MRC1: variants seen among roughly 807,000 people sequenced by gnomAD.
The protein encoded by MRC1 is macrophage mannose receptor 1.
In MRC1, 62 loss-of-function variants were observed where a neutral mutation model predicts 102.9. That is an observed-to-expected ratio of 0.60 (90% CI 0.49 to 0.74). The LOEUF is 0.74. MRC1 is among the 30% of genes least tolerant of loss of function. The probability of loss-of-function intolerance (pLI) is 0.00; values close to 1 mark genes in which losing one functional copy is unlikely to be tolerated. For missense variants in MRC1, 1,237 were observed against 862.8 expected (o/e 1.43, Z -5.43); for synonymous variants, 457 against 298.4 (o/e 1.53, Z -5.48).
chr10:17,898,373 T>C (rs1231448784), intron 24 of MRC1, 107 bp downstream of exon 24: 2 of 769,612 alleles, frequency 2.6e-6, no homozygotes, highest in African/African-American at 3.4e-5. Flanking sequence ...TAAGAGACTG[T>C]GCTAGGCAAT....
intron 3 of MRC1, among the ~76,000 whole-genome samples, chr10:17,833,271 AGCACTTTG>A (rs1183256606): frequency 6.6e-6 from 1 of 152,150 alleles, no homozygotes; most frequent in Non-Finnish European, 1.5e-5. Context: ...TTGTAATCCC[AGCACTTTG>A]GGAAGCTGAG....
At chr10:17,872,165 G>A in intron 15 of MRC1, 39 bp downstream of exon 15, 1 of 780,098 alleles carries the variant, frequency 1.3e-6, no homozygotes, top group South Asian at 1.3e-5. Flanking sequence ...CAGCTTGGTA[G>A]ACTAACCTCC....
At chr10:17,890,314 A>T (rs1833654830) in intron 22 of MRC1, among the ~76,000 whole-genome samples, 1 of 151,850 alleles carries the variant, frequency 6.6e-6, no homozygotes, top group African/African-American at 2.4e-5. Flanking sequence ...CTTAGTATTT[A>T]TCCTGTCTGA....
intron 17 of MRC1, among the ~76,000 whole-genome samples, chr10:17,876,383 G>A (rs2130684435): frequency 6.6e-6 from 1 of 152,112 alleles, no homozygotes; most frequent in East Asian, 1.9e-4. Context: ...GAGTAGCTGG[G>A]ACTACAGGCG....
intron 4 of MRC1, among the ~76,000 whole-genome samples, chr10:17,839,709 T>G (rs1484138142): frequency 3.3e-5 from 5 of 152,114 alleles, no homozygotes; most frequent in African/African-American, 1.2e-4. Context: ...TTTAATTAAT[T>G]GCTTTTGATC....
In MRC1 at chr10:17,864,551, G is replaced by A. The variant is rs1003868219; in HGVS notation, c.1783+869G>A. 1.1e-4 allele frequency among the ~76,000 whole-genome samples: 17 copies of A among 152,000 alleles called. No homozygotes were observed. In the East Asian group the frequency reaches 2.3e-3, roughly 21 times the overall value. On this transcript the variant is annotated intron_variant, in intron 11 of 29. Transcript: ENST00000569591. The stretch of plus-strand genomic sequence containing the variant: ...TCTTCATTTAAAAGAAGTGGAGGTC[G>A]GCCGCGGTGGCTCATGCCTGTAATC...
At chr10:17,820,658 T>C (rs1434431951) in intron 1 of MRC1, among the ~76,000 whole-genome samples, 1 of 152,144 alleles carries the variant, frequency 6.6e-6, no homozygotes, top group Admixed American at 6.6e-5. Flanking sequence ...AGCAAAGCTA[T>C]CTGAAAAGTG....
intron 1 of MRC1, among the ~76,000 whole-genome samples, chr10:17,819,954 C>G (rs1008598796): frequency 2.0e-5 from 3 of 152,118 alleles, no homozygotes; most frequent in East Asian, 1.9e-4. Flanking sequence ...CAAAAACAAA[C>G]GAACAAACAA....
At chr10:17,869,327 A>G (rs1418984237) in intron 12 of MRC1, among the ~76,000 whole-genome samples, 1 of 152,162 alleles carries the variant, frequency 6.6e-6, no homozygotes, top group Non-Finnish European at 1.5e-5. Context: ...TGATGTGGAT[A>G]TTTACTTAAA....
intron 5 of MRC1, among the ~76,000 whole-genome samples, chr10:17,843,908 A>G (rs548066744): frequency 1.8e-4 from 28 of 152,334 alleles, no homozygotes; most frequent in Non-Finnish European, 3.7e-4. Flanking sequence ...CACAAAGCAT[A>G]GGTATTAACA....
intron 10 of MRC1, among the ~76,000 whole-genome samples, 180 bp downstream of exon 10, chr10:17,861,682 C>T (rs1420055406): frequency 2.0e-5 from 3 of 151,892 alleles, no homozygotes; most frequent in Non-Finnish European, 2.9e-5. Context: ...CATTACAAAC[C>T]GTTTTTGCTA....
Position 17,861,492 on chromosome 10 carries a change from A to G in MRC1, c.1624A>G (p.Ile542Val). Residue 542 changes from isoleucine to valine, a missense_variant, in exon 10 of 30, where the codon ATT becomes GTT. Transcript: ENST00000569591. The stretch of plus-strand genomic sequence containing the variant: ...TAATGAGAATGCTTATTTAACAACT[A>G]TTGAAGACAGGTATGTAACTATTTT... ...CNNENAYLTTIEDRYEQAFLT... is the reference protein window; with the variant it reads ...CNNENAYLTTVEDRYEQAFLT... The G allele has an allele frequency of 1.1e-6, 1 of 870,162 alleles. No individual in the cohort carries two copies. Among genetic ancestry groups the G allele is most frequent in the Non-Finnish European group, 2.0e-6 (1 of 499,710 alleles). The allele number at this position is 870,162 out of a possible 1,614,324, so 53.9% of individuals were successfully genotyped here. A position where few individuals can be genotyped will look rare whatever the true frequency, so the allele number is the denominator to read the frequency against.
At chr10:17,811,525 T>C (rs1192141262) in intron 1 of MRC1, among the ~76,000 whole-genome samples, 1 of 150,220 alleles carries the variant, frequency 6.7e-6, no homozygotes, top group Non-Finnish European at 1.5e-5. Context: ...GGGACCCCCC[T>C]TCCAGATTTT....
chr10:17,827,670 A>G lies in MRC1; in HGVS notation c.592A>G (p.Thr198Ala). 6.4e-6 allele frequency: 5 copies of G among 780,850 alleles called. No individual in the cohort carries two copies. The highest frequency in any genetic ancestry group is 1.2e-5 in the Non-Finnish European group (5 of 417,964). 48.4% of individuals were successfully genotyped at this position (780,850 alleles called of 1,614,324 possible). ...TGGATGGCTCTGGTGCGGAACCACT[A>G]CTGACTATGACACAGACAAGCTATT... ...SDGWLWCGTT[T>A]DYDTDKLFGY... is the part of the protein sequence containing the mutation. The change falls in exon 3 of 30, where the codon ACT (threonine) becomes GCT (alanine). Residue 198 changes from threonine to alanine, a missense_variant. Physicochemically the swap from Thr to Ala is moderately conservative, Grantham distance 58 (BLOSUM62 0). Transcript: ENST00000569591.
chr10:17,883,468 G>C (rs1209317345), intron 21 of MRC1, among the ~76,000 whole-genome samples: 2 of 151,132 alleles, frequency 1.3e-5, no homozygotes, highest in Admixed American at 6.6e-5. Context: ...AACGGTGGAA[G>C]AGTTTTTTTT....
At position 17,850,142 on chromosome 10, in the gene MRC1, A is replaced by G. The variant is rs904878671; in HGVS notation, c.1249+378A>G. ...GTGTGTATCTTCTTTTTTTAGGTCC[A>G]TATTTTATCTCCTAAAAAAGATTTC... On this transcript the variant is annotated intron_variant, in intron 7 of 29. Transcript: ENST00000569591. Among the ~76,000 whole-genome samples, 11 of 152,106 alleles carry G rather than the reference A, an allele frequency of 7.2e-5. No individual in the cohort carries two copies. In the East Asian group the frequency reaches 1.5e-3, roughly 21 times the overall value.
At chr10:17,841,934 A>G (rs1291846240) in intron 5 of MRC1, among the ~76,000 whole-genome samples, 2 of 152,154 alleles carry the variant, frequency 1.3e-5, no homozygotes, top group African/African-American at 2.4e-5. Context: ...CATTTGGCTT[A>G]GAAAACTAAA....
intron 7 of MRC1, among the ~76,000 whole-genome samples, chr10:17,850,421 C>T (rs1838897038): frequency 1.3e-5 from 2 of 151,804 alleles, no homozygotes; most frequent in South Asian, 4.2e-4. Context: ...GGGAACATAG[C>T]AAGACCTCGT....
At chr10:17,869,518 C>G (rs1833324760) in intron 12 of MRC1, among the ~76,000 whole-genome samples, 1 of 152,182 alleles carries the variant, frequency 6.6e-6, no homozygotes, top group Non-Finnish European at 1.5e-5. Context: ...CCACGATTAC[C>G]TCCTTTCTAT....
Sources: gnomAD v4.1 joint callset for allele counts (sites outside exome capture counted in the v4.1 genomes callset) on GRCh38, gnomAD v4.1.1 for gene constraint, MANE v1.5 for transcripts, NCBI Gene and HGNC (gene_info 2026-07-23, HGNC 2026-07-21) for gene names.